Variants in NLGN4X observed in about 807,000 individuals in gnomAD.
NLGN4X encodes the protein neuroligin-4, X-linked.
In NLGN4X, 3 loss-of-function variants were observed where a neutral mutation model predicts 40.3. The observed-to-expected ratio is 0.07, with a 90% CI of 0.03 to 0.19. NLGN4X has a LOEUF of 0.19. NLGN4X is among the 10% of genes least tolerant of loss of function. NLGN4X has a pLI of 1.00. For missense variants in NLGN4X, 382 were observed against 708.3 expected (o/e 0.54, Z 5.23); for synonymous variants, 270 against 306.8 (o/e 0.88, Z 1.25).
At chrX:6,198,577 A>G (rs1235155067) in intron 1 of NLGN4X, among the ~76,000 whole-genome samples, 1 of 112,012 alleles carries the variant, frequency 8.9e-6, no homozygotes. Context: ...CAGGGAGCGC[A>G]TCATTAAGGC....
chrX:6,191,513 G>A (rs767329781), intron 1 of NLGN4X, among the ~76,000 whole-genome samples: 5 of 111,530 alleles, frequency 4.5e-5, no homozygotes, highest in African/African-American at 6.5e-5. Flanking sequence ...TCAGGAGTTC[G>A]AGACCAGCCT....
In NLGN4X at chrX:5,931,760, G is replaced by A. The variant is rs188744874; in HGVS notation, c.626-22521C>T. On this transcript the variant is annotated intron_variant, in intron 3 of 5. Coordinates refer to ENST00000381095, the MANE Select transcript of NLGN4X (RefSeq NM_181332.3). ...AGGATAAGACGAGGCATCAATCTGC[G>A]GAAAGAGCAATAATAGAACATGAAA... 9.9e-5 allele frequency among the ~76,000 whole-genome samples: 11 copies of A among 111,444 alleles called. No individual in the cohort carries two copies. The South Asian group carries it at 1.9e-3, about 19-fold the overall frequency.
intron 3 of NLGN4X, among the ~76,000 whole-genome samples, chrX:5,987,533 T>TA (rs1293621523): frequency 8.9e-6 from 1 of 112,562 alleles, no homozygotes. Flanking sequence ...TTCTGTGTGT[T>TA]ACACTTCAAA....
At chrX:6,061,129 C>T (rs1430334941) in intron 2 of NLGN4X, among the ~76,000 whole-genome samples, 1 of 111,469 alleles carries the variant, frequency 9.0e-6, no homozygotes, top group Non-Finnish European at 1.9e-5. Context: ...TCCCCCTTTG[C>T]TAAAATAACA....
Position 5,909,161 on chromosome X carries a change from T to G in NLGN4X, c.704A>C (p.Glu235Ala). The change falls in exon 4 of 6, where the codon GAG (glutamate) becomes GCG (alanine). Residue 235 changes from glutamate to alanine, a missense_variant. Physicochemically the swap from Glu to Ala is moderately radical, Grantham distance 107 (BLOSUM62 -1). Coordinates refer to ENST00000381095, the MANE Select transcript of NLGN4X (RefSeq NM_181332.3). ...LDQIQALRWI[E>A]ENVGAFGGDP... Reference sequence around the variant, plus strand: ...CCCGCCAAAGGCTCCCACATTCTCCTCAATCCACCGCAGTGCTTGAATCTG... The same window carrying G: ...CCCGCCAAAGGCTCCCACATTCTCCGCAATCCACCGCAGTGCTTGAATCTG... The G allele has an allele frequency of 8.3e-7, 1 of 1,211,641 alleles. No individual in the cohort carries two copies. The highest frequency in any genetic ancestry group is 1.1e-6 in the Non-Finnish European group (1 of 895,522).
chrX:6,089,845 T>C (rs894322889), intron 2 of NLGN4X, among the ~76,000 whole-genome samples: 1 of 112,201 alleles, frequency 8.9e-6, no homozygotes, highest in East Asian at 2.8e-4. Flanking sequence ...ATGTCTTAGA[T>C]ATGGCCTGGG....
At chrX:6,174,867 A>G (rs1435473186) in intron 1 of NLGN4X, among the ~76,000 whole-genome samples, 3 of 110,924 alleles carry the variant, frequency 2.7e-5, no homozygotes, top group African/African-American at 9.8e-5. Context: ...GATCAATTGT[A>G]CCCTATACCT....
intron 3 of NLGN4X, among the ~76,000 whole-genome samples, chrX:6,001,654 A>T (rs12841190): frequency 0.25 from 27,094 of 109,182 alleles, 3,046 homozygotes; most frequent in African/African-American, 0.42. Flanking sequence ...ACTAGAAGAA[A>T]CTGAGAGCCT....
At chrX:5,908,361 A>G (rs1048721122) in intron 4 of NLGN4X, among the ~76,000 whole-genome samples, 2 of 111,252 alleles carry the variant, frequency 1.8e-5, no homozygotes, top group African/African-American at 6.5e-5. Context: ...AATTAGAGAG[A>G]GGAGCGACTT....
intron 3 of NLGN4X, among the ~76,000 whole-genome samples, chrX:5,925,931 TAA>T (rs2033297444): frequency 1.7e-5 from 1 of 58,557 alleles, no homozygotes; most frequent in East Asian, 6.8e-4. Context: ...TATATATATA[TAA>T]ACCTGCGAAG....
intron 2 of NLGN4X, among the ~76,000 whole-genome samples, chrX:6,036,627 C>T (rs972476375): frequency 9.2e-6 from 1 of 108,835 alleles, no homozygotes; most frequent in African/African-American, 3.4e-5. Context: ...CACACACACA[C>T]ACACACACAC....
chrX:5,962,753 C>T (rs1367468158), intron 3 of NLGN4X, among the ~76,000 whole-genome samples: 1 of 111,556 alleles, frequency 9.0e-6, no homozygotes, highest in Non-Finnish European at 1.9e-5. Flanking sequence ...GGTTAGTGTC[C>T]TTCAAGAAAA....
intron 2 of NLGN4X, among the ~76,000 whole-genome samples, chrX:6,057,399 A>G (rs2037659185): frequency 8.9e-6 from 1 of 112,108 alleles, no homozygotes; most frequent in South Asian, 3.7e-4. Context: ...AAGCACACCA[A>G]GGCAGAGATG....
intron 2 of NLGN4X, among the ~76,000 whole-genome samples, chrX:6,107,226 C>T (rs917797785): frequency 2.7e-5 from 3 of 111,976 alleles, no homozygotes; most frequent in African/African-American, 9.7e-5. Flanking sequence ...TTGTGGTGAT[C>T]TGCTCTGCCT....
intron 1 of NLGN4X, among the ~76,000 whole-genome samples, chrX:6,191,586 T>C (rs770973571): frequency 2.7e-5 from 3 of 110,510 alleles, no homozygotes; most frequent in African/African-American, 6.6e-5. Flanking sequence ...GGGAAGGAAG[T>C]TGTGGCTCAC....
chrX:6,196,947 A>G (rs1011245468), intron 1 of NLGN4X, among the ~76,000 whole-genome samples: 1 of 111,828 alleles, frequency 8.9e-6, no homozygotes, highest in African/African-American at 3.3e-5. Context: ...GCTTTTTATC[A>G]CACCCATAGG....
chrX:5,952,389 C>T (rs977043667), intron 3 of NLGN4X, among the ~76,000 whole-genome samples: 3 of 111,025 alleles, frequency 2.7e-5, no homozygotes, highest in African/African-American at 9.8e-5. Flanking sequence ...TTGGGAACAA[C>T]GTTCTTGAGT....
At chrX:6,034,169 T>C (rs747353031) in intron 2 of NLGN4X, among the ~76,000 whole-genome samples, 13 of 112,491 alleles carry the variant, frequency 1.2e-4, no homozygotes, top group Non-Finnish European at 2.4e-4. Context: ...TGTGATAGCC[T>C]TGCTGATCCA....
intron 2 of NLGN4X, among the ~76,000 whole-genome samples, chrX:6,131,702 C>A (rs1413422001): frequency 1.8e-5 from 2 of 112,257 alleles, no homozygotes; most frequent in African/African-American, 6.5e-5. Context: ...AGCTTTGGAG[C>A]ACTTTGGGGA....
Sources: gnomAD v4.1 joint callset for allele counts (sites outside exome capture counted in the v4.1 genomes callset) on GRCh38, gnomAD v4.1.1 for gene constraint, MANE v1.5 for transcripts, NCBI Gene and HGNC (gene_info 2026-07-23, HGNC 2026-07-21) for gene names.